Variants in SGF29 observed in about 807,000 individuals in gnomAD.
The protein encoded by SGF29 is SAGA complex associated factor 29, also known as SAGA-associated factor 29.
A neutral mutation model predicts 38.1 loss-of-function variants in SGF29; 15 were observed. The observed-to-expected ratio is 0.39, with a 90% confidence interval of 0.26 to 0.61. The LOEUF is 0.61. Among genes scored for constraint, SGF29 ranks in the 20% least tolerant of loss-of-function variants. The pLI, the probability that SGF29 is intolerant of heterozygous loss-of-function variation, is 0.49. For missense variants in SGF29, 184 were observed against 394.6 expected (o/e 0.47, Z 4.52); for synonymous variants, 151 against 160.8 (o/e 0.94, Z 0.46).
intron 1 of SGF29, among the ~76,000 whole-genome samples, chr16:28,574,236 G>A (rs146824392): frequency 6.6e-6 from 1 of 152,208 alleles, no homozygotes; most frequent in Non-Finnish European, 1.5e-5. Flanking sequence ...GTCCAGTGCG[G>A]TGTTTAACCT....
At chr16:28,580,247 G>A (rs2151650149) in intron 1 of SGF29, among the ~76,000 whole-genome samples, 1 of 152,242 alleles carries the variant, frequency 6.6e-6, no homozygotes, top group East Asian at 1.9e-4. Flanking sequence ...ATAGGGTGGA[G>A]GAGAATCCAA....
intron 3 of SGF29, 133 bp downstream of exon 3, chr16:28,585,121 G>A: frequency 1.5e-6 from 1 of 662,734 alleles, no homozygotes; most frequent in South Asian, 2.0e-5. Flanking sequence ...TGCAGCAGGA[G>A]GGACAGCTTT....
intron 1 of SGF29, among the ~76,000 whole-genome samples, chr16:28,564,716 T>C (rs8059116): frequency 0.078 from 5,883 of 75,524 alleles, 471 homozygotes; most frequent in African/African-American, 0.11. Flanking sequence ...TACATATATA[T>C]GTATATATAT....
chr16:28,591,093 A>G (rs1055757976), intron 9 of SGF29, among the ~76,000 whole-genome samples, 158 bp downstream of exon 9: 1 of 152,062 alleles, frequency 6.6e-6, no homozygotes, highest in Non-Finnish European at 1.5e-5. Flanking sequence ...CTCCAGCCCC[A>G]AAGGCCACCA....
chr16:28,568,485 C>T (rs986044702), intron 1 of SGF29, among the ~76,000 whole-genome samples: 1 of 151,372 alleles, frequency 6.6e-6, no homozygotes, highest in Non-Finnish European at 1.5e-5. Flanking sequence ...GTTTAGAGCT[C>T]ACATAGCAAG....
chr16:28,591,590 C>A lies in SGF29; in HGVS notation c.766C>A (p.Pro256Thr). 1 of 1,608,832 alleles carries A rather than the reference C, an allele frequency of 6.2e-7. No homozygotes were observed. Among genetic ancestry groups the A allele is most frequent in the East Asian group, 2.2e-5 (1 of 44,860 alleles). The change falls in exon 10 of 10, where the codon CCC (proline) becomes ACC (threonine). Residue 256 changes from proline to threonine, a missense_variant and splice_region_variant. By Grantham distance (38) the Pro-to-Thr change is conservative. Coordinates refer to ENST00000317058, the MANE Select transcript of SGF29 (RefSeq NM_138414.3). Reference protein sequence around the residue: ...RALIHAPPQRPQDDYSVLFED... With the variant: ...RALIHAPPQRTQDDYSVLFED... ...CCCCTCCTGTCTGCCTGCCCCACAGCCCCAGGATGACTACTCGGTCCTGTT... is the reference window on the plus strand; with the variant it reads ...CCCCTCCTGTCTGCCTGCCCCACAGACCCAGGATGACTACTCGGTCCTGTT...
Position 28,590,513 on chromosome 16 carries a change from C to T in SGF29, c.566+71C>T. 6.2e-7 allele frequency: 1 copy of T among 1,613,056 alleles called. No individual in the cohort carries two copies. The highest frequency in any genetic ancestry group is 8.5e-7 in the Non-Finnish European group (1 of 1,179,506). On this transcript the variant is annotated intron_variant, in intron 7 of 9. Transcript: ENST00000317058. The surrounding 1 kb of genome is among the most constrained non-coding windows in gnomAD (Gnocchi z 8.2). The stretch of plus-strand genomic sequence containing the variant: ...CCTGGGCTACGGGAGAAAAGCTCTG[C>T]AGAGGGTGCTCCCCAGAGGCTGGTT...
chr16:28,560,376 G>A (rs972871715), intron 1 of SGF29, among the ~76,000 whole-genome samples: 1 of 150,654 alleles, frequency 6.6e-6, no homozygotes, highest in African/African-American at 2.4e-5. Flanking sequence ...GGATCACGAG[G>A]TCAGGAGTTC....
At chr16:28,588,885 A>C (rs1733931395) in intron 4 of SGF29, among the ~76,000 whole-genome samples, 1 of 150,168 alleles carries the variant, frequency 6.7e-6, no homozygotes, top group South Asian at 2.1e-4. Context: ...TTCTAGTTTC[A>C]CCATGAGGTT....
intron 5 of SGF29, among the ~76,000 whole-genome samples, 163 bp from the exon 6 acceptor site, chr16:28,589,933 A>G (rs2046977566): frequency 6.6e-6 from 1 of 152,070 alleles, no homozygotes; most frequent in Admixed American, 6.5e-5. Flanking sequence ...CAGCCCCTAT[A>G]GGTGCTGACA....
chr16:28,587,609 G>C (rs547220596), intron 4 of SGF29, among the ~76,000 whole-genome samples: 1 of 152,116 alleles, frequency 6.6e-6, no homozygotes, highest in Non-Finnish European at 1.5e-5. Context: ...ACATGCCCTG[G>C]GGCACCCCCG....
At position 28,591,692 on chromosome 16, in the gene SGF29, C is replaced by A. The variant is rs757921346; in HGVS notation, c.868C>A (p.Pro290Thr). The A allele has an allele frequency of 1.2e-6, 2 of 1,612,272 alleles. No homozygotes were observed. The highest frequency in any genetic ancestry group is 8.5e-7 in the Non-Finnish European group (1 of 1,178,358). Residue 290 changes from proline to threonine, a missense_variant, in exon 10 of 10, where the codon CCC (proline) becomes ACC (threonine). Transcript: ENST00000317058. Reference protein sequence around the residue: ...AQRYVVACKEPKKK With the variant: ...AQRYVVACKETKKK Reference sequence around the variant, plus strand: ...GAGATACGTGGTGGCTTGTAAGGAACCCAAGAAAAAGTGATGCCGCCTGGC... The same window carrying A: ...GAGATACGTGGTGGCTTGTAAGGAAACCAAGAAAAAGTGATGCCGCCTGGC...
intron 1 of SGF29, among the ~76,000 whole-genome samples, chr16:28,564,553 A>ATATATATATG (rs1567285611): frequency 3.4e-4 from 37 of 108,710 alleles, no homozygotes; most frequent in African/African-American, 1.3e-3. Context: ...ATATATACGT[A>ATATATATATG]TATATATATA....
At chr16:28,568,176 G>A (rs1266512576) in intron 1 of SGF29, among the ~76,000 whole-genome samples, 1 of 151,882 alleles carries the variant, frequency 6.6e-6, no homozygotes, top group Non-Finnish European at 1.5e-5. Flanking sequence ...AGCCAGGCAT[G>A]GTGGTCGGCG....
chr16:28,591,131 C>G (rs1172297752), intron 9 of SGF29, among the ~76,000 whole-genome samples, 196 bp downstream of exon 9: 1 of 152,150 alleles, frequency 6.6e-6, no homozygotes, highest in Non-Finnish European at 1.5e-5. Flanking sequence ...GCAGCCTTGG[C>G]AAGCCCCGAG....
intron 5 of SGF29, chr16:28,589,559 T>G (rs1391684160): frequency 4.5e-6 from 1 of 220,436 alleles, no homozygotes; most frequent in East Asian, 1.1e-4. Flanking sequence ...CCTACCTGTC[T>G]GCCCTCCCAA....
At chr16:28,582,165 G>A (rs2046929802) in intron 2 of SGF29, among the ~76,000 whole-genome samples, 2 of 152,204 alleles carry the variant, frequency 1.3e-5, no homozygotes, top group South Asian at 2.1e-4. Context: ...GTAACCTGGA[G>A]AGTAAGAGTC....
Position 28,564,921 on chromosome 16 carries a change from T to C in SGF29, c.-16+10824T>C, listed in dbSNP as rs183238398. ...TGAGGAAAGAGAGAAGCTGGTAGCA[T>C]AATTCAGTCCAAGTCTGCCAGCCTT... On this transcript the variant is annotated intron_variant, in intron 1 of 9. Coordinates refer to ENST00000317058, the MANE Select transcript of SGF29 (RefSeq NM_138414.3). Among the ~76,000 whole-genome samples, 1,177 of 150,998 alleles carry C rather than the reference T, an allele frequency of 7.8e-3. 7 individuals carry two copies. Among genetic ancestry groups the C allele is most frequent in the Non-Finnish European group, 0.012 (781 of 67,782 alleles).
intron 1 of SGF29, among the ~76,000 whole-genome samples, chr16:28,573,191 C>A (rs1377181793): frequency 6.6e-6 from 1 of 152,092 alleles, no homozygotes; most frequent in African/African-American, 2.4e-5. Context: ...GGAGATGGCA[C>A]TACACAGCTG....
Sources: allele counts gnomAD v4.1 joint callset (sites outside exome capture counted in the v4.1 genomes callset), GRCh38; gene constraint gnomAD v4.1.1; non-coding constraint Gnocchi (gnomAD v3.1); transcripts MANE v1.5; gene names NCBI Gene and HGNC (gene_info 2026-07-23, HGNC 2026-07-21).